GRHL2: variants seen among roughly 807,000 people sequenced by gnomAD.
GRHL2 encodes the protein grainyhead like transcription factor 2, also known as grainyhead-like protein 2 homolog.
A neutral mutation model predicts 83.8 loss-of-function variants in GRHL2; 21 were observed. The ratio of observed to expected loss-of-function variants is 0.25; its 90% CI spans 0.18 to 0.36. The LOEUF (loss-of-function observed/expected upper bound fraction) is 0.36, where lower values mean the gene tolerates loss of function less well. Among genes scored for constraint, GRHL2 ranks in the 10% least tolerant of loss-of-function variants. The pLI is 1.00. For missense variants in GRHL2, 623 were observed against 781.8 expected (o/e 0.80, Z 2.42); for synonymous variants, 280 against 278.9 (o/e 1.00, Z -0.04).
Position 101,599,193 on chromosome 8 carries a change from C to A in GRHL2, c.1098+42C>A, listed in dbSNP as rs75368465. On this transcript the variant is annotated intron_variant, in intron 8 of 15. Coordinates refer to ENST00000646743, the MANE Select transcript of GRHL2 (RefSeq NM_024915.4). ...CATTGTTTATACCTCTTAATATGTG[C>A]CCATCCTCAGCAGTTTATTCTTTTT... 477 of 1,235,588 alleles carry A rather than the reference C, an allele frequency of 3.9e-4. 2 individuals carry two copies. The African/African-American group carries it at 5.9e-3, about 15-fold the overall frequency. 76.5% of individuals were successfully genotyped at this position (1,235,588 alleles called of 1,614,324 possible). A position where few individuals can be genotyped will look rare whatever the true frequency, so the allele number is the denominator to read the frequency against.
At chr8:101,504,792 C>T (rs994886210) in intron 1 of GRHL2, among the ~76,000 whole-genome samples, 3 of 151,980 alleles carry the variant, frequency 2.0e-5, no homozygotes, top group Admixed American at 2.0e-4. Flanking sequence ...AGTTAAGCTG[C>T]AGGAGATTGC....
At chr8:101,612,186 C>T (rs1245480821) in intron 8 of GRHL2, among the ~76,000 whole-genome samples, 2 of 150,872 alleles carry the variant, frequency 1.3e-5, no homozygotes, top group African/African-American at 2.5e-5. Flanking sequence ...GATGTGGTTT[C>T]ACCATGTTGG....
At chr8:101,518,726 C>T (rs980638740) in intron 1 of GRHL2, among the ~76,000 whole-genome samples, 3 of 152,188 alleles carry the variant, frequency 2.0e-5, no homozygotes, top group Non-Finnish European at 4.4e-5. Context: ...TGTGCTGCTT[C>T]TCTTTTCTCC....
intron 1 of GRHL2, among the ~76,000 whole-genome samples, chr8:101,531,667 T>A (rs2130083600): frequency 6.6e-6 from 1 of 152,350 alleles, no homozygotes; most frequent in South Asian, 2.1e-4. Flanking sequence ...CCTCTTCCTT[T>A]CACTTTCTAT....
chr8:101,634,635 A>G (rs1813251428), intron 11 of GRHL2, among the ~76,000 whole-genome samples: 1 of 152,150 alleles, frequency 6.6e-6, no homozygotes, highest in Non-Finnish European at 1.5e-5. Flanking sequence ...ATTAGCTGCA[A>G]TGCAGTTGTG....
intron 1 of GRHL2, among the ~76,000 whole-genome samples, chr8:101,504,290 CT>C (rs1810290915): frequency 6.6e-6 from 1 of 152,282 alleles, no homozygotes; most frequent in East Asian, 1.9e-4. Flanking sequence ...CAACCTTGTC[CT>C]TTTAGATTTG....
intron 7 of GRHL2, among the ~76,000 whole-genome samples, chr8:101,589,142 A>G (rs1812225482): frequency 2.6e-5 from 4 of 152,350 alleles, no homozygotes; most frequent in Admixed American, 2.6e-4. Context: ...GAAAACTGGC[A>G]TATGCTTGAG....
At chr8:101,594,450 G>A (rs573114233) in intron 7 of GRHL2, among the ~76,000 whole-genome samples, 33 of 152,300 alleles carry the variant, frequency 2.2e-4, no homozygotes, top group African/African-American at 5.8e-4. Context: ...ACCGTGGGCC[G>A]TAAACTCTTA....
At chr8:101,559,287 G>A (rs753981518) in intron 4 of GRHL2, among the ~76,000 whole-genome samples, 1 of 149,188 alleles carries the variant, frequency 6.7e-6, no homozygotes, top group Non-Finnish European at 1.5e-5. Context: ...CGAAGTGCGT[G>A]GATCGAGGCC....
downstream of GRHL2, among the ~76,000 whole-genome samples, chr8:101,671,965 A>G (rs956448899): frequency 2.0e-5 from 3 of 152,112 alleles, no homozygotes; most frequent in African/African-American, 7.3e-5. Context: ...GACTTCTAGC[A>G]AACTCCAACA....
intron 7 of GRHL2, among the ~76,000 whole-genome samples, chr8:101,594,103 GAGAT>G (rs1563597748): frequency 8.1e-5 from 11 of 135,730 alleles, no homozygotes; most frequent in Non-Finnish European, 1.3e-4. Flanking sequence ...AAAAAAGAGA[GAGAT>G]AGTGAAGGGG....
At chr8:101,587,974 A>T (rs994466789) in intron 7 of GRHL2, among the ~76,000 whole-genome samples, 5 of 152,226 alleles carry the variant, frequency 3.3e-5, no homozygotes, top group Non-Finnish European at 1.5e-5. Context: ...AGTTTTTTCA[A>T]AATTAAATTA....
At chr8:101,638,234 G>A (rs1467207610) in intron 12 of GRHL2, among the ~76,000 whole-genome samples, 7 of 152,108 alleles carry the variant, frequency 4.6e-5, no homozygotes, top group Admixed American at 4.6e-4. Flanking sequence ...TTCACAGTTG[G>A]CAAATTGGAG....
At chr8:101,680,615 G>C in the GRHL2 span, among the ~76,000 whole-genome samples, 2 of 123,022 alleles carry the variant, frequency 1.6e-5, no homozygotes, top group African/African-American at 6.7e-5. Flanking sequence ...CAAATCAACA[G>C]AATATACATT....
intron 8 of GRHL2, among the ~76,000 whole-genome samples, chr8:101,614,984 G>A (rs937792042): frequency 6.6e-6 from 1 of 152,198 alleles, no homozygotes; most frequent in Admixed American, 6.5e-5. Flanking sequence ...TTCACTGGGA[G>A]CTGACAACAC....
chr8:101,602,441 T>G (rs1053497798), intron 8 of GRHL2, among the ~76,000 whole-genome samples: 1 of 152,052 alleles, frequency 6.6e-6, no homozygotes, highest in Non-Finnish European at 1.5e-5. Context: ...CAGTATCACA[T>G]GATATTTTGG....
chr8:101,658,673 G>GA (rs1182205193), intron 14 of GRHL2, among the ~76,000 whole-genome samples: 1 of 152,172 alleles, frequency 6.6e-6, no homozygotes. Flanking sequence ...CCCAAAAAGA[G>GA]AAAACCCAAG....
chr8:101,549,015 C>T (rs1290060939), intron 2 of GRHL2, among the ~76,000 whole-genome samples: 1 of 152,176 alleles, frequency 6.6e-6, no homozygotes, highest in Non-Finnish European at 1.5e-5. Flanking sequence ...CTACTACATT[C>T]CAGGCATTGA....
intron 9 of GRHL2, among the ~76,000 whole-genome samples, chr8:101,628,931 C>T (rs1331353015): frequency 6.6e-6 from 1 of 151,998 alleles, no homozygotes; most frequent in Admixed American, 6.6e-5. Context: ...TATGGATGTG[C>T]AAAGAAAGTG....
Sources: allele counts gnomAD v4.1 joint callset (sites outside exome capture counted in the v4.1 genomes callset), GRCh38; gene constraint gnomAD v4.1.1; transcripts MANE v1.5; gene names NCBI Gene and HGNC (gene_info 2026-07-23, HGNC 2026-07-21).